STK24: variants seen among roughly 807,000 people sequenced by gnomAD.
The protein encoded by STK24 is serine/threonine kinase 24.
A neutral mutation model predicts 55.6 loss-of-function variants in STK24; 21 were observed. The ratio of observed to expected loss-of-function variants is 0.38; its 90% confidence interval spans 0.27 to 0.54. The LOEUF (loss-of-function observed/expected upper bound fraction) is 0.54. Ranked by LOEUF, STK24 falls within the 20% of genes least tolerant of loss-of-function variation. STK24 has a pLI of 0.79. For synonymous variants in STK24, 200 were observed against 215.2 expected, an observed-to-expected ratio of 0.93 and a Z score of 0.62; for missense variants, 383 against 538.4, an observed-to-expected ratio of 0.71 and a Z score of 2.86.
chr13:98,566,685 G>A (rs1338327155), intron 1 of STK24, among the ~76,000 whole-genome samples: 1 of 152,206 alleles, frequency 6.6e-6, no homozygotes, highest in African/African-American at 2.4e-5. Flanking sequence ...CATAAATCCA[G>A]CCATGCCACA....
chr13:98,453,260 G>T, intron 10 of STK24, 51 bp from the exon 11 acceptor site: 1 of 1,576,400 alleles, frequency 6.3e-7, no homozygotes, highest in Non-Finnish European at 8.6e-7. Context: ...TCTCATCCCT[G>T]TGCAAAAATT....
chr13:98,499,398 C>A (rs911100266), intron 2 of STK24, among the ~76,000 whole-genome samples: 33 of 152,126 alleles, frequency 2.2e-4, no homozygotes, highest in African/African-American at 7.7e-4. Flanking sequence ...ATTTTCACAC[C>A]CTCCTGGTGT....
intron 1 of STK24, among the ~76,000 whole-genome samples, chr13:98,526,371 G>A (rs531514848): frequency 6.6e-6 from 1 of 152,258 alleles, no homozygotes; most frequent in Admixed American, 6.5e-5. Context: ...CCAGGCTCTG[G>A]GTCAGGAGCT....
At chr13:98,502,528 G>A (rs994467500) in intron 2 of STK24, among the ~76,000 whole-genome samples, 1 of 152,192 alleles carries the variant, frequency 6.6e-6, no homozygotes, top group Non-Finnish European at 1.5e-5. Flanking sequence ...CCTTATAAGA[G>A]GTACTTGGGT....
At chr13:98,506,598 T>C (rs1895688492) in intron 2 of STK24, among the ~76,000 whole-genome samples, 1 of 152,186 alleles carries the variant, frequency 6.6e-6, no homozygotes, top group South Asian at 2.1e-4. Flanking sequence ...CACAGTGCAA[T>C]TTCCCACTCA....
In STK24 at chr13:98,447,958, A is replaced by G. The variant is rs1892958919; in HGVS notation, c.*5215T>C. 4.1e-6 allele frequency: 2 copies of G among 484,078 alleles called. No individual in the cohort carries two copies. Among genetic ancestry groups the G allele is most frequent in the Non-Finnish European group, 7.4e-6 (2 of 271,134 alleles). 30.0% of individuals were successfully genotyped at this position (484,078 alleles called of 1,614,324 possible). On this transcript the variant is annotated 3_prime_UTR_variant, in exon 11 of 11. Coordinates refer to ENST00000539966, the MANE Select transcript of STK24 (RefSeq NM_001032296.4). ...ATAGGAGGTAGCGTTCTCCCCAGCA[A>G]CCAGAGGCCACCTCGCTCCTAACTG...
intron 1 of STK24, among the ~76,000 whole-genome samples, chr13:98,545,560 G>A (rs1897008117): frequency 1.3e-5 from 2 of 151,518 alleles, no homozygotes; most frequent in South Asian, 2.1e-4. Flanking sequence ...CGTGAACCCG[G>A]GAGGCAGAGC....
At chr13:98,517,920 T>TA (rs1896124398) in intron 2 of STK24, among the ~76,000 whole-genome samples, 1 of 152,248 alleles carries the variant, frequency 6.6e-6, no homozygotes, top group Non-Finnish European at 1.5e-5. Flanking sequence ...AAGTACCTAC[T>TA]ACATGTCAAG....
intron 4 of STK24, 113 bp downstream of exon 4, chr13:98,475,137 C>A: frequency 7.1e-7 from 1 of 1,401,542 alleles, no homozygotes; most frequent in Non-Finnish European, 9.6e-7. Flanking sequence ...CCAGCCCAGG[C>A]AAGGCAAACG....
At chr13:98,546,802 T>A (rs1897038120) in intron 1 of STK24, among the ~76,000 whole-genome samples, 1 of 152,166 alleles carries the variant, frequency 6.6e-6, no homozygotes, top group African/African-American at 2.4e-5. Context: ...CCAGAACACA[T>A]GAACTCCTTG....
intron 1 of STK24, among the ~76,000 whole-genome samples, chr13:98,546,040 A>G (rs1478500741): frequency 1.3e-5 from 2 of 152,242 alleles, no homozygotes; most frequent in African/African-American, 4.8e-5. Context: ...AGTCCTTGTC[A>G]TTCTGGGTTT....
At chr13:98,512,367 T>C (rs1895911657) in intron 2 of STK24, among the ~76,000 whole-genome samples, 1 of 151,796 alleles carries the variant, frequency 6.6e-6, no homozygotes, top group Non-Finnish European at 1.5e-5. Context: ...TTACCTGAGG[T>C]CCATAAATAG....
At chr13:98,478,471 TG>T (rs1894466841) in intron 3 of STK24, among the ~76,000 whole-genome samples, 1 of 152,130 alleles carries the variant, frequency 6.6e-6, no homozygotes, top group South Asian at 2.1e-4. Context: ...GCACTGGCAG[TG>T]GGAGAGGACA....
At chr13:98,526,220 G>C (rs964953718) in intron 1 of STK24, among the ~76,000 whole-genome samples, 1 of 152,170 alleles carries the variant, frequency 6.6e-6, no homozygotes, top group Admixed American at 6.5e-5. Context: ...TTTGTCCTTT[G>C]TCAAGCTGTA....
chr13:98,536,423 G>A (rs1896737936), intron 1 of STK24, among the ~76,000 whole-genome samples: 1 of 151,758 alleles, frequency 6.6e-6, no homozygotes, highest in Admixed American at 6.6e-5. Flanking sequence ...GGAGTGCAGT[G>A]GCACAATCAT....
intron 1 of STK24, among the ~76,000 whole-genome samples, chr13:98,555,978 G>C (rs1285376925): frequency 2.0e-5 from 3 of 150,704 alleles, no homozygotes; most frequent in African/African-American, 7.3e-5. Flanking sequence ...CACCGTGCGG[G>C]CTACCAGCCT....
chr13:98,521,509 T>C (rs1896258497), intron 1 of STK24, among the ~76,000 whole-genome samples: 1 of 152,074 alleles, frequency 6.6e-6, no homozygotes, highest in South Asian at 2.1e-4. Flanking sequence ...CATCCTCCTC[T>C]TCCTATTTTC....
chr13:98,548,261 T>TG lies in STK24; in HGVS notation c.42+28483dup, dbSNP rs921941849. Among the ~76,000 whole-genome samples, 64 of 152,342 alleles carry TG rather than the reference T, an allele frequency of 4.2e-4. 1 individual carries two copies. Among genetic ancestry groups the TG allele is most frequent in the Admixed American group, 3.4e-3 (52 of 15,302 alleles). On this transcript the variant is annotated intron_variant, in intron 1 of 10. Coordinates refer to ENST00000539966, the MANE Select transcript of STK24 (RefSeq NM_001032296.4). ...AAAATAAGACAATTTTTTATTTTCC[T>TG]GGGGCAAAAACAAAGTTTTTTTTAA...
At chr13:98,501,199 C>G (rs1257578298) in intron 2 of STK24, among the ~76,000 whole-genome samples, 1 of 152,238 alleles carries the variant, frequency 6.6e-6, no homozygotes, top group African/African-American at 2.4e-5. Flanking sequence ...TTCGCTTGCA[C>G]AGCCTCACCG....
Sources: gnomAD v4.1 joint callset for allele counts (sites outside exome capture counted in the v4.1 genomes callset) on GRCh38, gnomAD v4.1.1 for gene constraint, MANE v1.5 for transcripts, NCBI Gene and HGNC (gene_info 2026-07-23, HGNC 2026-07-21) for gene names.